Variants in NREP observed in about 807,000 individuals in gnomAD.
NREP encodes neuronal regeneration related protein, also known as neuronal regeneration-related protein.
NREP carries 5 observed loss-of-function variants against 8.6 expected under a neutral mutation model. The observed-to-expected ratio is 0.58, with a 90% CI of 0.30 to 1.22. The LOEUF is 1.22. Ranked by LOEUF, NREP falls within the 50% of genes most tolerant of loss-of-function variation. NREP has a pLI of 0.07. For missense variants in NREP, 86 were observed against 82.5 expected (o/e 1.04, Z -0.17); for synonymous variants, 27 against 28.0 (o/e 0.96, Z 0.11).
intron 2 of NREP, among the ~76,000 whole-genome samples, chr5:111,914,290 G>T (rs1007392054): frequency 2.6e-5 from 4 of 152,116 alleles, no homozygotes; most frequent in African/African-American, 9.7e-5. Flanking sequence ...TTAGATATCT[G>T]CTAGCCATAA....
At chr5:111,874,445 C>A (rs965883449) in intron 2 of NREP, among the ~76,000 whole-genome samples, 4 of 152,090 alleles carry the variant, frequency 2.6e-5, no homozygotes, top group Non-Finnish European at 5.9e-5. Context: ...GATAGTTTTC[C>A]ACTAGAGTTG....
chr5:111,842,438 A>G (rs184989396), intron 2 of NREP, among the ~76,000 whole-genome samples: 11 of 152,218 alleles, frequency 7.2e-5, no homozygotes, highest in Admixed American at 7.2e-4. Context: ...TCTATTTTAA[A>G]TTGATAAAGA....
chr5:111,769,178 C>T (rs1457768308), intron 2 of NREP, among the ~76,000 whole-genome samples: 5 of 152,168 alleles, frequency 3.3e-5, no homozygotes, highest in African/African-American at 1.2e-4. Flanking sequence ...TGAAGCTTCC[C>T]TGATGGCTGT....
At chr5:111,947,660 G>C (rs1239739332) in intron 2 of NREP, among the ~76,000 whole-genome samples, 2 of 151,894 alleles carry the variant, frequency 1.3e-5, no homozygotes, top group Admixed American at 1.3e-4. Context: ...ATCTATAGAG[G>C]TTCGAATACC....
chr5:111,923,075 T>C (rs1755290710), intron 2 of NREP, among the ~76,000 whole-genome samples: 1 of 152,188 alleles, frequency 6.6e-6, no homozygotes, highest in Non-Finnish European at 1.5e-5. Context: ...GGGAGACCCA[T>C]TAGGAGTGAG....
At chr5:111,957,442 T>C (rs1182423442) in intron 2 of NREP, among the ~76,000 whole-genome samples, 3 of 151,950 alleles carry the variant, frequency 2.0e-5, no homozygotes, top group Non-Finnish European at 4.4e-5. Context: ...CTCATAACCA[T>C]ATAGTTTTAT....
chr5:111,930,790 C>G (rs1472755085), intron 2 of NREP, among the ~76,000 whole-genome samples: 2 of 152,160 alleles, frequency 1.3e-5, no homozygotes, highest in African/African-American at 4.8e-5. Flanking sequence ...CTCCTCTTGC[C>G]TGCTATGGGT....
intron 2 of NREP, among the ~76,000 whole-genome samples, chr5:111,825,637 G>A (rs1752605266): frequency 6.6e-6 from 1 of 152,194 alleles, no homozygotes; most frequent in African/African-American, 2.4e-5. Flanking sequence ...GCGTAGTCAG[G>A]AAGGATGTAG....
intron 3 of NREP, chr5:111,732,990 ATCT>A (rs1484136550): frequency 5.9e-5 from 9 of 152,234 alleles, no homozygotes; most frequent in African/African-American, 2.2e-4. Flanking sequence ...CTCAGTACTA[ATCT>A]TCTACCTCCA....
chr5:111,930,417 T>C (rs1755505023), intron 2 of NREP, among the ~76,000 whole-genome samples: 1 of 152,184 alleles, frequency 6.6e-6, no homozygotes, highest in Non-Finnish European at 1.5e-5. Flanking sequence ...TTCCCTTCTA[T>C]CAACACTGGA....
At chr5:111,738,573 T>G (rs952835717) in intron 2 of NREP, 14 of 152,234 alleles carry the variant, frequency 9.2e-5, no homozygotes, top group African/African-American at 3.4e-4. Context: ...CAAGAGTTCA[T>G]GAAATAGCTG....
chr5:111,875,841 G>A (rs1458686881), intron 2 of NREP, among the ~76,000 whole-genome samples: 1 of 152,250 alleles, frequency 6.6e-6, no homozygotes, highest in East Asian at 1.9e-4. Context: ...AAAGAGTGAG[G>A]TTAAGAGCAG....
chr5:111,852,707 G>A (rs1295957647), intron 2 of NREP, among the ~76,000 whole-genome samples: 1 of 152,084 alleles, frequency 6.6e-6, no homozygotes, highest in Admixed American at 6.6e-5. Flanking sequence ...TGGGAGGTAA[G>A]TCTTCCTTAG....
chr5:111,744,526 G>A (rs1390868066), intron 2 of NREP, among the ~76,000 whole-genome samples: 2 of 152,044 alleles, frequency 1.3e-5, no homozygotes, highest in Non-Finnish European at 2.9e-5. Context: ...AAAACTGTCA[G>A]AAAACTAAAA....
chr5:111,735,452 T>G lies in NREP; in HGVS notation c.59A>C (p.Asp20Ala), dbSNP rs1437471772. Residue 20 changes from aspartate (D) to alanine (A), a missense_variant, in exon 3 of 4, where the codon GAC becomes GCC. By Grantham distance (126) the Asp-to-Ala change is moderately radical. Transcript: ENST00000257435. ...TACCTTAGGAAGCCTTCCCTCCATG[T>G]CCTTGTTTGGAAATGGTTCTTGACT... is the stretch of plus-strand genomic sequence containing the variant. ...WVSQEPFPNK[D>A]MEGRLPKGRL... 13 of 1,612,692 alleles carry G rather than the reference T, an allele frequency of 8.1e-6. No individual in the cohort carries two copies. The highest frequency in any genetic ancestry group is 1.0e-5 in the Non-Finnish European group (12 of 1,179,030).
intron 2 of NREP, among the ~76,000 whole-genome samples, chr5:111,864,438 A>AC (rs1248460923): frequency 1.3e-5 from 2 of 151,972 alleles, no homozygotes; most frequent in African/African-American, 4.8e-5. Context: ...GGGAGATATC[A>AC]CCCCCCAGAA....
intron 2 of NREP, among the ~76,000 whole-genome samples, chr5:111,775,431 C>T (rs977530812): frequency 1.3e-5 from 2 of 152,114 alleles, no homozygotes; most frequent in African/African-American, 4.8e-5. Context: ...AGCACATGAT[C>T]CTAATGCAGA....
intron 2 of NREP, among the ~76,000 whole-genome samples, chr5:111,743,805 T>G (rs1282244721): frequency 6.6e-6 from 1 of 152,150 alleles, no homozygotes; most frequent in Non-Finnish European, 1.5e-5. Context: ...TATGCCGAGT[T>G]TCACCTTCAA....
At chr5:111,810,059 G>C (rs1752236593) in intron 2 of NREP, among the ~76,000 whole-genome samples, 1 of 151,890 alleles carries the variant, frequency 6.6e-6, no homozygotes, top group Non-Finnish European at 1.5e-5. Flanking sequence ...AGACTAAATG[G>C]GATATTAGTT....
Sources: gnomAD v4.1 joint callset for allele counts (sites outside exome capture counted in the v4.1 genomes callset) on GRCh38, gnomAD v4.1.1 for gene constraint, MANE v1.5 for transcripts, NCBI Gene and HGNC (gene_info 2026-07-23, HGNC 2026-07-21) for gene names.